Variants in ABAT observed in about 807,000 individuals in gnomAD.
ABAT encodes 4-aminobutyrate aminotransferase.
In ABAT, 45 loss-of-function variants were observed where a neutral mutation model predicts 64.6. The ratio of observed to expected loss-of-function variants is 0.70; its 90% CI spans 0.55 to 0.89. ABAT has a LOEUF of 0.89. Among genes scored for constraint, ABAT ranks in the 40% least tolerant of loss-of-function variants. The probability of loss-of-function intolerance (pLI) is 0.00; values close to 1 mark genes in which losing one functional copy is unlikely to be tolerated. For missense variants in ABAT, 633 were observed against 658.4 expected (o/e 0.96, Z 0.42); for synonymous variants, 297 against 250.5 (o/e 1.19, Z -1.75).
chr16:8,744,969 T>G (rs559809523), intron 2 of ABAT, among the ~76,000 whole-genome samples: 52 of 152,240 alleles, frequency 3.4e-4, no homozygotes, highest in African/African-American at 1.2e-3. Flanking sequence ...GTGCTGGACA[T>G]GTAGGTTGTT....
intron 1 of ABAT, among the ~76,000 whole-genome samples, chr16:8,682,212 C>G (rs1305587682): frequency 7.1e-6 from 1 of 140,754 alleles, no homozygotes; most frequent in East Asian, 2.5e-4. Flanking sequence ...CACACACACA[C>G]ACACACACAC....
At chr16:8,678,256 G>A (rs1567267147) in intron 1 of ABAT, among the ~76,000 whole-genome samples, 2 of 152,108 alleles carry the variant, frequency 1.3e-5, no homozygotes, top group Non-Finnish European at 1.5e-5. Context: ...GACAGAGTCG[G>A]GTGGTCTCTA....
intron 2 of ABAT, chr16:8,738,352 G>A (rs1307089089): frequency 1.1e-5 from 5 of 452,528 alleles, no homozygotes; most frequent in Non-Finnish European, 2.2e-5. Context: ...AAGACACTAA[G>A]AAACTGACCT....
intron 6 of ABAT, among the ~76,000 whole-genome samples, chr16:8,763,162 C>A (rs2059846883): frequency 6.7e-6 from 1 of 150,310 alleles, no homozygotes; most frequent in Admixed American, 6.6e-5. Flanking sequence ...TTGTGCCAAG[C>A]ATGAGCATTT....
chr16:8,745,769 T>C (rs1835660288), intron 2 of ABAT, among the ~76,000 whole-genome samples: 1 of 152,184 alleles, frequency 6.6e-6, no homozygotes, highest in Admixed American at 6.5e-5. Context: ...AACAGGAGCA[T>C]GCCTATTTGC....
rs1364087120 is a variant in ABAT, at chr16:8,738,655, T to C, written c.70+2846T>C. On this transcript the variant is annotated intron_variant, in intron 2 of 15. Coordinates refer to ENST00000268251, the MANE Select transcript of ABAT (RefSeq NM_020686.6). ...TTTTTTTTTGGTGTGTGTGTATGTG[T>C]GTCTGAGATGGAGTCTCACTCTGTT... Among the ~76,000 whole-genome samples, 6 of 148,702 alleles carry C rather than the reference T, an allele frequency of 4.0e-5. 1 individual carries two copies. The highest frequency in any genetic ancestry group is 3.0e-5 in the Non-Finnish European group (2 of 67,658).
chr16:8,753,272 T>A (rs2059545849), intron 5 of ABAT, among the ~76,000 whole-genome samples: 1 of 152,066 alleles, frequency 6.6e-6, no homozygotes, highest in Non-Finnish European at 1.5e-5. Flanking sequence ...TTTTTTTGTA[T>A]TTTTAGTAGA....
intron 1 of ABAT, among the ~76,000 whole-genome samples, chr16:8,693,375 C>T (rs902069962): frequency 6.6e-6 from 1 of 151,404 alleles, no homozygotes; most frequent in Non-Finnish European, 1.5e-5. Context: ...AAAAAAAATT[C>T]CAGTATATTT....
At chr16:8,719,754 AAGGAGG>A (rs150890076) in intron 1 of ABAT, among the ~76,000 whole-genome samples, 5,925 of 152,190 alleles carry the variant, frequency 0.039, 163 homozygotes, top group South Asian at 0.074. Flanking sequence ...AAGAAGAAAG[AAGGAGG>A]AGGAGGAGGA....
At chr16:8,768,010 T>A in intron 9 of ABAT, among the ~76,000 whole-genome samples, 183 bp from the exon 10 acceptor site, 1 of 151,714 alleles carries the variant, frequency 6.6e-6, no homozygotes, top group East Asian at 1.9e-4. Flanking sequence ...AAAATGTAAG[T>A]ATGTATGCAA....
At chr16:8,737,981 G>A (rs373363135) in intron 2 of ABAT, among the ~76,000 whole-genome samples, 197 of 2,292 alleles carry the variant, frequency 0.086, 36 homozygotes, top group African/African-American at 0.23. Flanking sequence ...AGGAAGGAAG[G>A]AAGGAAGGAG....
At chr16:8,725,870 C>G (rs980560006) in intron 1 of ABAT, among the ~76,000 whole-genome samples, 6 of 152,122 alleles carry the variant, frequency 3.9e-5, no homozygotes, top group Non-Finnish European at 1.5e-5. Context: ...TAATCCCTGC[C>G]TTCTTACTCC....
rs1013328980 is a variant in ABAT at position 8,766,965 on chromosome 16, A to G, written c.603+695A>G. ...CAGCCTGGCGACAGAGCAAGACTCC[A>G]TCTCAAAAACAAAACAAAACAAAAA... On this transcript the variant is annotated intron_variant, in intron 9 of 15. Transcript: ENST00000268251. Among the ~76,000 whole-genome samples, 7 of 152,130 alleles carry G rather than the reference A, an allele frequency of 4.6e-5. 1 individual carries two copies. The highest frequency in any genetic ancestry group is 1.9e-4 in the East Asian group (1 of 5,190).
intron 1 of ABAT, among the ~76,000 whole-genome samples, chr16:8,698,200 G>A (rs1295740): frequency 0.71 from 107,550 of 152,040 alleles, 38,403 homozygotes; most frequent in East Asian, 0.87. Flanking sequence ...GCCTGCTGCC[G>A]GAGGAGTGGT....
At chr16:8,701,100 G>T (rs2057812340) in intron 1 of ABAT, among the ~76,000 whole-genome samples, 1 of 152,038 alleles carries the variant, frequency 6.6e-6, no homozygotes, top group Non-Finnish European at 1.5e-5. Context: ...ACCACACCTG[G>T]CTAATTTTTG....
rs560645221 is a variant in ABAT at position 8,709,071 on chromosome 16, A to C, written c.-41-26628A>C. Among the ~76,000 whole-genome samples, 16 of 152,318 alleles carry C rather than the reference A, an allele frequency of 1.1e-4. No individual in the cohort carries two copies. The South Asian group carries it at 2.5e-3, about 24-fold the overall frequency. ...CGATTTTGAAGACTTGCTATGCCAA[A>C]AAGGATAGCAAAATATTAACATTTC... On this transcript the variant is annotated intron_variant, in intron 1 of 15. Coordinates refer to ENST00000268251, the MANE Select transcript of ABAT (RefSeq NM_020686.6).
intron 2 of ABAT, among the ~76,000 whole-genome samples, chr16:8,744,408 C>G (rs1253278936): frequency 6.6e-6 from 1 of 151,876 alleles, no homozygotes; most frequent in South Asian, 2.1e-4. Flanking sequence ...CGCTTTGTTA[C>G]CCAGTCTGAA....
At chr16:8,745,952 A>T in intron 2 of ABAT, 49 bp from the exon 3 acceptor site, 1 of 1,553,176 alleles carries the variant, frequency 6.4e-7, no homozygotes, top group Non-Finnish European at 8.9e-7. Context: ...CAGAATCCTC[A>T]TGATCTCTGC....
intron 1 of ABAT, among the ~76,000 whole-genome samples, chr16:8,680,880 C>G (rs1300489643): frequency 6.6e-6 from 1 of 152,156 alleles, no homozygotes; most frequent in African/African-American, 2.4e-5. Flanking sequence ...GAAATGTCTA[C>G]TCAAGTTCTT....
Sources: allele counts gnomAD v4.1 joint callset (sites outside exome capture counted in the v4.1 genomes callset), GRCh38; gene constraint gnomAD v4.1.1; transcripts MANE v1.5; gene names NCBI Gene and HGNC (gene_info 2026-07-23, HGNC 2026-07-21).